TANC2: variants seen among roughly 807,000 people sequenced by gnomAD.
TANC2 encodes the protein protein TANC2.
In TANC2, 26 loss-of-function variants were observed where a neutral mutation model predicts 210.5. That is an observed-to-expected ratio of 0.12 (90% CI 0.09 to 0.17). TANC2 has a LOEUF of 0.17. Ranked by LOEUF, TANC2 falls within the 10% of genes least tolerant of loss-of-function variation. The pLI, the probability that TANC2 is intolerant of heterozygous loss-of-function variation, is 1.00. For synonymous variants in TANC2, 931 were observed against 967.1 expected (o/e 0.96, Z 0.69); for missense variants, 2,129 against 2,608.9 (o/e 0.82, Z 4.01).
intron 2 of TANC2, among the ~76,000 whole-genome samples, chr17:63,068,771 G>A (rs140197261): frequency 6.8e-6 from 1 of 147,062 alleles, no homozygotes; most frequent in Non-Finnish European, 1.5e-5. Flanking sequence ...TTATTCTAGA[G>A]TTAAAATGAA....
intron 26 of TANC2, among the ~76,000 whole-genome samples, chr17:63,417,626 C>T (rs1414288230): frequency 2.0e-5 from 3 of 152,042 alleles, no homozygotes; most frequent in Non-Finnish European, 1.5e-5. Context: ...AGAAAGAAAA[C>T]GATAATTAAT....
chr17:63,216,140 C>A (rs1411383206), intron 7 of TANC2, among the ~76,000 whole-genome samples: 1 of 152,146 alleles, frequency 6.6e-6, no homozygotes, highest in Non-Finnish European at 1.5e-5. Context: ...CCTCCACCTG[C>A]TGGGTTTAAG....
Position 63,042,496 on chromosome 17 carries a change from T to C in TANC2, c.68-31447T>C, listed in dbSNP as rs909276682. 2.0e-5 allele frequency among the ~76,000 whole-genome samples: 3 copies of C among 152,074 alleles called. No homozygotes were observed. In the East Asian group the frequency reaches 5.8e-4, roughly 29 times the overall value. ...AAGGATTACTACTGTAAATTTGCAA[T>C]AGAGAGCTGGATGCATTTAAGATAT... On this transcript the variant is annotated intron_variant, in intron 2 of 27. Coordinates refer to ENST00000689528, the Ensembl canonical transcript of TANC2.
At chr17:63,158,462 A>G (rs1567772133) in intron 5 of TANC2, among the ~76,000 whole-genome samples, 1 of 152,238 alleles carries the variant, frequency 6.6e-6, no homozygotes, top group Non-Finnish European at 1.5e-5. Context: ...CTGTGGGAGC[A>G]AAGAAGGGAC....
At chr17:63,118,420 A>T (rs1395940340) in intron 4 of TANC2, among the ~76,000 whole-genome samples, 1 of 151,794 alleles carries the variant, frequency 6.6e-6, no homozygotes, top group African/African-American at 2.4e-5. Context: ...TTCTTAAAAG[A>T]CTCTTTGTTT....
chr17:63,242,146 C>G (rs2042790765), intron 8 of TANC2, among the ~76,000 whole-genome samples: 2 of 152,070 alleles, frequency 1.3e-5, no homozygotes, highest in South Asian at 4.1e-4. Flanking sequence ...AATTACTTTG[C>G]TCTTCTTAAA....
Position 63,379,739 on chromosome 17 carries a change from C to T in TANC2, c.2604C>T (p.Ala868=), listed in dbSNP as rs1342118248. ...GCAGGAGTGGTCACACGTTACTTGC[C>T]TTCTGGTTTTCCCGCCAAGAGGGAA... is the stretch of plus-strand genomic sequence containing the variant. The change falls in exon 15 of 28, where the codon GCC becomes GCT. Residue 868 remains alanine, a synonymous_variant. Coordinates refer to ENST00000689528, the Ensembl canonical transcript of TANC2. The T allele has an allele frequency of 1.2e-6, 2 of 1,612,414 alleles. No homozygotes were observed. The highest frequency in any genetic ancestry group is 1.7e-6 in the Non-Finnish European group (2 of 1,179,014).
At chr17:63,374,095 G>A (rs372926684) in intron 14 of TANC2, among the ~76,000 whole-genome samples, 2 of 131,712 alleles carry the variant, frequency 1.5e-5, no homozygotes, top group African/African-American at 3.1e-5. Flanking sequence ...GGAGTGCAAC[G>A]GTGTAATCAT....
chr17:63,086,341 A>G (rs867738988), intron 3 of TANC2, among the ~76,000 whole-genome samples: 1 of 152,000 alleles, frequency 6.6e-6, no homozygotes, highest in South Asian at 2.1e-4. Flanking sequence ...CCCATTATGC[A>G]TATTTACACC....
At chr17:63,265,335 G>A (rs1275289639) in intron 8 of TANC2, among the ~76,000 whole-genome samples, 2 of 152,110 alleles carry the variant, frequency 1.3e-5, no homozygotes, top group East Asian at 3.9e-4. Context: ...CTAGTCCCAG[G>A]TATTTCAGGG....
chr17:63,282,771 C>G (rs984958684), intron 9 of TANC2, among the ~76,000 whole-genome samples: 4 of 151,994 alleles, frequency 2.6e-5, no homozygotes, highest in African/African-American at 7.2e-5. Flanking sequence ...TTTGGATTTA[C>G]TAGTAACTGA....
chr17:63,063,762 AGTT>A (rs1332365581), intron 2 of TANC2, among the ~76,000 whole-genome samples: 1 of 151,294 alleles, frequency 6.6e-6, no homozygotes, highest in African/African-American at 2.4e-5. Flanking sequence ...GTTCCTGGGT[AGTT>A]GTTTTACTCT....
At chr17:63,366,072 C>T (rs923097594) in intron 14 of TANC2, among the ~76,000 whole-genome samples, 2 of 151,624 alleles carry the variant, frequency 1.3e-5, no homozygotes, top group African/African-American at 4.9e-5. Flanking sequence ...TTTTTGATGA[C>T]GAACTAATGA....
chr17:63,086,593 C>CT lies in TANC2; in HGVS notation c.140-12575dup, dbSNP rs550011526. On this transcript the variant is annotated intron_variant, in intron 3 of 27. Transcript: ENST00000689528. ...CTCATCTGTTCTTGCATGTTATCTA[C>CT]TTTTTTTCATGAAAGCCCATAGCAT... 5.9e-4 allele frequency among the ~76,000 whole-genome samples: 90 copies of CT among 152,218 alleles called. No homozygotes were observed. In the East Asian group the frequency reaches 0.013, roughly 21 times the overall value.
chr17:63,250,427 C>T (rs1182144393), intron 8 of TANC2, among the ~76,000 whole-genome samples: 1 of 152,026 alleles, frequency 6.6e-6, no homozygotes, highest in Non-Finnish European at 1.5e-5. Flanking sequence ...TCTGACAGAA[C>T]TATCTCAAAA....
intron 11 of TANC2, among the ~76,000 whole-genome samples, chr17:63,331,785 G>C (rs1026343342): frequency 1.3e-5 from 2 of 151,828 alleles, no homozygotes; most frequent in Non-Finnish European, 2.9e-5. Flanking sequence ...ACCTTGTACA[G>C]AACAGTGAAA....
intron 8 of TANC2, among the ~76,000 whole-genome samples, chr17:63,262,629 C>CT (rs11395061): frequency 0.31 from 45,174 of 145,220 alleles, 7,054 homozygotes; most frequent in African/African-American, 0.39. Flanking sequence ...TAGTAGTCCT[C>CT]TTTTTTTTTT....
chr17:63,128,200 C>T (rs1024358986), intron 4 of TANC2, among the ~76,000 whole-genome samples: 5 of 152,062 alleles, frequency 3.3e-5, no homozygotes, highest in Non-Finnish European at 7.4e-5. Context: ...TGGATGACTA[C>T]TCAATAATAA....
At chr17:63,026,186 TC>T (rs2034547268) in intron 2 of TANC2, among the ~76,000 whole-genome samples, 1 of 152,188 alleles carries the variant, frequency 6.6e-6, no homozygotes, top group Admixed American at 6.5e-5. Context: ...AAATTTTGTC[TC>T]TGTAGCGATT....
Sources: allele counts gnomAD v4.1 joint callset (sites outside exome capture counted in the v4.1 genomes callset), GRCh38; gene constraint gnomAD v4.1.1; transcripts MANE v1.5; gene names NCBI Gene and HGNC (gene_info 2026-07-23, HGNC 2026-07-21).